Variants in SEMA5A observed in about 807,000 individuals in gnomAD.
SEMA5A encodes semaphorin-5A.
SEMA5A carries 55 observed loss-of-function variants against 135.5 expected under a neutral mutation model. The ratio of observed to expected loss-of-function variants is 0.41; its 90% confidence interval spans 0.33 to 0.51. SEMA5A has a LOEUF of 0.51. Ranked by LOEUF, SEMA5A falls within the 20% of genes least tolerant of loss-of-function variation. SEMA5A has a pLI of 0.37. For missense variants in SEMA5A, 1,290 were observed against 1,419.9 expected (o/e 0.91, Z 1.47); for synonymous variants, 580 against 546.5 (o/e 1.06, Z -0.85).
At chr5:9,483,413 AG>A (rs1759955653) in intron 1 of SEMA5A, among the ~76,000 whole-genome samples, 1 of 152,218 alleles carries the variant, frequency 6.6e-6, no homozygotes, top group African/African-American at 2.4e-5. Context: ...ATGACATACC[AG>A]AATGTAGAGA....
chr5:9,271,868 C>T (rs1749991659), intron 5 of SEMA5A, among the ~76,000 whole-genome samples: 1 of 152,192 alleles, frequency 6.6e-6, no homozygotes, highest in Non-Finnish European at 1.5e-5. Flanking sequence ...TCACAACCCA[C>T]AGACCAGGAG....
chr5:9,083,446 T>C (rs1028966684), intron 16 of SEMA5A, among the ~76,000 whole-genome samples: 10 of 152,230 alleles, frequency 6.6e-5, no homozygotes, highest in Non-Finnish European at 1.5e-4. Flanking sequence ...CCAGAACTTA[T>C]GGATAATGAC....
At chr5:9,330,450 TTTG>T (rs1305131960) in intron 4 of SEMA5A, among the ~76,000 whole-genome samples, 1 of 151,652 alleles carries the variant, frequency 6.6e-6, no homozygotes, top group Non-Finnish European at 1.5e-5. Flanking sequence ...TTTGTTTTGT[TTTG>T]TTTTTTTACA....
At chr5:9,170,991 G>A (rs1028670919) in intron 11 of SEMA5A, among the ~76,000 whole-genome samples, 8 of 152,244 alleles carry the variant, frequency 5.3e-5, no homozygotes, top group Middle Eastern at 3.4e-3. Context: ...GAGAGAAGAA[G>A]GGGCTCCATA....
intron 11 of SEMA5A, among the ~76,000 whole-genome samples, chr5:9,157,867 A>G (rs1743043190): frequency 6.6e-6 from 1 of 152,258 alleles, no homozygotes; most frequent in African/African-American, 2.4e-5. Context: ...TCTATTTGAC[A>G]TAGGAGGACA....
chr5:9,533,467 C>T (rs923816918), intron 1 of SEMA5A, among the ~76,000 whole-genome samples: 15 of 152,140 alleles, frequency 9.9e-5, no homozygotes, highest in Admixed American at 2.0e-4. Context: ...CAAGTATGAA[C>T]AGACCATATT....
At chr5:9,295,064 C>T (rs966959602) in intron 5 of SEMA5A, among the ~76,000 whole-genome samples, 8 of 152,154 alleles carry the variant, frequency 5.3e-5, no homozygotes, top group South Asian at 2.1e-4. Context: ...CTTCTGGGAT[C>T]GGATACACTA....
At chr5:9,105,831 T>A (rs1739884222) in intron 16 of SEMA5A, among the ~76,000 whole-genome samples, 1 of 152,240 alleles carries the variant, frequency 6.6e-6, no homozygotes, top group African/African-American at 2.4e-5. Context: ...GAACCCTTTG[T>A]GGACAAAGAT....
chr5:9,415,073 A>G (rs1757238211), intron 2 of SEMA5A, among the ~76,000 whole-genome samples: 1 of 152,244 alleles, frequency 6.6e-6, no homozygotes, highest in African/African-American at 2.4e-5. Flanking sequence ...TCTAGTCACC[A>G]TGAGACAGAA....
At position 9,039,263 on chromosome 5, in the gene SEMA5A, C is replaced by T. The variant is rs967515934; in HGVS notation, c.*3634G>A. 6 of 152,344 alleles carry T rather than the reference C, an allele frequency of 3.9e-5. 1 individual carries two copies. The highest frequency in any genetic ancestry group is 3.3e-4 in the Admixed American group (5 of 15,290). The allele number at this position is 152,344 out of a possible 1,614,324, so 9.4% of individuals were successfully genotyped here. Reference sequence around the variant, plus strand: ...CCGTTTCCGGGAACTGTCCATAGCACTTGCTGGGGTGACCAGGTCCTGCCT... The same window carrying T: ...CCGTTTCCGGGAACTGTCCATAGCATTTGCTGGGGTGACCAGGTCCTGCCT... On this transcript the variant is annotated 3_prime_UTR_variant, in exon 23 of 23. Transcript: ENST00000382496.
intron 15 of SEMA5A, among the ~76,000 whole-genome samples, chr5:9,115,759 C>G (rs1433794618): frequency 2.0e-5 from 3 of 152,236 alleles, no homozygotes; most frequent in Non-Finnish European, 2.9e-5. Flanking sequence ...CAGATAGACT[C>G]TATGGTGGCC....
At chr5:9,247,293 T>TA (rs1227694514) in intron 5 of SEMA5A, among the ~76,000 whole-genome samples, 6 of 152,188 alleles carry the variant, frequency 3.9e-5, no homozygotes, top group Non-Finnish European at 8.8e-5. Context: ...TGAGTCCTAT[T>TA]ATTGTGTATT....
At chr5:9,436,138 A>T (rs978280631) in intron 2 of SEMA5A, among the ~76,000 whole-genome samples, 9 of 152,178 alleles carry the variant, frequency 5.9e-5, no homozygotes, top group African/African-American at 2.2e-4. Flanking sequence ...CAAGAATACG[A>T]ACCTGAAAGG....
intron 1 of SEMA5A, among the ~76,000 whole-genome samples, chr5:9,496,233 T>A (rs1010072456): frequency 2.0e-5 from 3 of 152,068 alleles, no homozygotes; most frequent in Non-Finnish European, 2.9e-5. Flanking sequence ...TTAGTAGAGA[T>A]GGGGTTTCAC....
rs566631883 is a variant in SEMA5A, at chr5:9,125,793, C to G, written c.1600-2956G>C. ...TTGCATGACAACGTGACTCAAGCCA[C>G]TAATACAGAAGATTCTGTGTTAAAG... is the stretch of plus-strand genomic sequence containing the variant. On this transcript the variant is annotated intron_variant, in intron 13 of 22. Coordinates refer to ENST00000382496, the MANE Select transcript of SEMA5A (RefSeq NM_003966.3). 2.6e-5 allele frequency among the ~76,000 whole-genome samples: 4 copies of G among 152,130 alleles called. 1 individual carries two copies. The highest frequency in any genetic ancestry group is 9.6e-5 in the African/African-American group (4 of 41,518).
chr5:9,174,863 C>T (rs1205794455), intron 11 of SEMA5A, among the ~76,000 whole-genome samples: 1 of 152,198 alleles, frequency 6.6e-6, no homozygotes, highest in Non-Finnish European at 1.5e-5. Flanking sequence ...TAGACTACAT[C>T]ATAATAGGAA....
At chr5:9,338,830 TGGAA>T (rs1164672761) in intron 3 of SEMA5A, among the ~76,000 whole-genome samples, 251 of 152,296 alleles carry the variant, frequency 1.6e-3, no homozygotes, top group African/African-American at 5.6e-3. Context: ...TGGGGGCATA[TGGAA>T]ATATGCCCCC....
At chr5:9,279,796 G>T (rs1750450457) in intron 5 of SEMA5A, among the ~76,000 whole-genome samples, 1 of 151,918 alleles carries the variant, frequency 6.6e-6, no homozygotes. Context: ...CTTTCCCTTT[G>T]CCTTTTGCCA....
chr5:9,317,568 G>C (rs765383527), intron 5 of SEMA5A, among the ~76,000 whole-genome samples: 1 of 152,148 alleles, frequency 6.6e-6, no homozygotes, highest in Admixed American at 6.5e-5. Flanking sequence ...ATGTTCACAA[G>C]CAGCAGCATT....
Sources: gnomAD v4.1 joint callset for allele counts (sites outside exome capture counted in the v4.1 genomes callset) on GRCh38, gnomAD v4.1.1 for gene constraint, MANE v1.5 for transcripts, NCBI Gene and HGNC (gene_info 2026-07-23, HGNC 2026-07-21) for gene names.